CDH1: variants seen among roughly 807,000 people sequenced by gnomAD.
CDH1 encodes cadherin-1.
A neutral mutation model predicts 84.5 loss-of-function variants in CDH1; 35 were observed. The observed-to-expected ratio is 0.41, with a 90% CI of 0.32 to 0.55. The LOEUF (loss-of-function observed/expected upper bound fraction) is 0.55. CDH1 is among the 20% of genes least tolerant of loss of function. CDH1 has a pLI of 0.19. For missense variants in CDH1, 994 were observed against 1,126.6 expected, an observed-to-expected ratio of 0.88 and a Z score of 1.68; for synonymous variants, 417 against 439.0, an observed-to-expected ratio of 0.95 and a Z score of 0.63.
chr16:68,768,697 A>G (rs1249844777), intron 2 of CDH1, among the ~76,000 whole-genome samples: 2 of 152,206 alleles, frequency 1.3e-5, no homozygotes, highest in African/African-American at 2.4e-5. Context: ...CTTAATAAAA[A>G]GAACAAAAAT....
chr16:68,743,666 C>T (rs1415046492), intron 2 of CDH1, among the ~76,000 whole-genome samples: 1 of 151,986 alleles, frequency 6.6e-6, no homozygotes, highest in Non-Finnish European at 1.5e-5. Flanking sequence ...GAGCCGGGCC[C>T]CTTCCTGGGT....
chr16:68,756,130 A>AT (rs1491094193), intron 2 of CDH1, among the ~76,000 whole-genome samples: 21 of 144,152 alleles, frequency 1.5e-4, no homozygotes, highest in African/African-American at 5.6e-4. Context: ...CATTTAGGGC[A>AT]TATTTTTTTT....
intron 2 of CDH1, among the ~76,000 whole-genome samples, chr16:68,787,846 A>ATTTTTTTT (rs1323100870): frequency 1.4e-4 from 7 of 51,400 alleles, no homozygotes; most frequent in Non-Finnish European, 2.4e-4. Context: ...TTTTTTTTTG[A>ATTTTTTTT]GACAGTTTCA....
intron 7 of CDH1, 34 bp from the exon 8 acceptor site, chr16:68,812,101 T>C (rs1308204692): frequency 6.2e-7 from 1 of 1,613,904 alleles, no homozygotes. Context: ...CTAGTGTTCC[T>C]GGTCCTGACT....
At chr16:68,782,146 C>T (rs1205151329) in intron 2 of CDH1, among the ~76,000 whole-genome samples, 1 of 151,814 alleles carries the variant, frequency 6.6e-6, no homozygotes, top group Non-Finnish European at 1.5e-5. Context: ...TCCACAGGCA[C>T]CCCCCACAGG....
In CDH1 at chr16:68,815,687, A is replaced by C. The variant is rs876661065; in HGVS notation, c.1493A>C (p.Asp498Ala). 5 of 1,614,126 alleles carry C rather than the reference A, an allele frequency of 3.1e-6. No homozygotes were observed. The highest frequency in any genetic ancestry group is 3.4e-6 in the Non-Finnish European group (4 of 1,180,050). ...PPEKRVEVSE[D>A]FGVGQEITSY... The stretch of plus-strand genomic sequence containing the variant: ...GAAAAGAGAGTGGAAGTGTCCGAGG[A>C]CTTTGGCGTGGGCCAGGAAATCACA... Residue 498 changes from aspartate to alanine, a missense_variant, in exon 10 of 16, where the codon GAC (aspartate) becomes GCC (alanine). Around this residue, in one of 3 missense-constraint regions of CDH1, gnomAD observed 769 missense variants for 881.8 expected, o/e 0.87. Transcript: ENST00000261769.
intron 2 of CDH1, among the ~76,000 whole-genome samples, chr16:68,752,188 G>A (rs552232279): frequency 1.3e-5 from 2 of 152,110 alleles, no homozygotes; most frequent in African/African-American, 2.4e-5. Context: ...CTGACCTCAG[G>A]TGATCCACCC....
rs1596960459 is a variant in CDH1 at position 68,819,343 on chromosome 16, C to T, written c.1629C>T (p.Ser543=). The change falls in exon 11 of 16, where the codon TCC becomes TCT. Residue 543 remains serine, a synonymous_variant. Transcript: ENST00000261769. ...TTAATCCGGACACTGGTGCCATTTC[C>T]ACTCGGGCTGAGCTGGACAGGGAGG... ...LEINPDTGAI[S]TRAELDREDF... is the part of the protein sequence containing the mutation. 4 of 1,614,130 alleles carry T rather than the reference C, an allele frequency of 2.5e-6. No homozygotes were observed. The East Asian group carries it at 8.9e-5, about 36-fold the overall frequency.
At chr16:68,823,297 C>T in intron 12 of CDH1, 102 bp from the exon 13 acceptor site, 2 of 814,844 alleles carry the variant, frequency 2.5e-6, no homozygotes, top group Non-Finnish European at 4.2e-6. Flanking sequence ...GCTCTCTTCA[C>T]TCGGCTTGCG....
At chr16:68,737,601 G>A (rs1417818747) in intron 1 of CDH1, 138 bp downstream of exon 1, 5 of 812,218 alleles carry the variant, frequency 6.2e-6, no homozygotes, top group African/African-American at 1.8e-5. Context: ...GGAGCGGCCT[G>A]GAAGCCTCGC....
chr16:68,784,886 C>T (rs540413280), intron 2 of CDH1, among the ~76,000 whole-genome samples: 14 of 151,762 alleles, frequency 9.2e-5, no homozygotes, highest in East Asian at 1.9e-4. Flanking sequence ...GAGGGTGAGG[C>T]GGGAGCAGGC....
At chr16:68,758,599 T>TA (rs1156730153) in intron 2 of CDH1, among the ~76,000 whole-genome samples, 3 of 146,360 alleles carry the variant, frequency 2.0e-5, no homozygotes, top group Non-Finnish European at 3.0e-5. Flanking sequence ...AATCGATCTC[T>TA]AAAAAAACAA....
At chr16:68,775,688 C>T (rs1412993863) in intron 2 of CDH1, among the ~76,000 whole-genome samples, 1 of 152,214 alleles carries the variant, frequency 6.6e-6, no homozygotes, top group Non-Finnish European at 1.5e-5. Context: ...TATAATAAAG[C>T]ATAGCTGGCA....
intron 3 of CDH1, among the ~76,000 whole-genome samples, chr16:68,804,462 G>A (rs1960598617): frequency 6.6e-6 from 1 of 152,048 alleles, no homozygotes; most frequent in Non-Finnish European, 1.5e-5. Flanking sequence ...AGCAACACTT[G>A]AGAAACACTG....
intron 3 of CDH1, among the ~76,000 whole-genome samples, chr16:68,804,726 A>C (rs1329205371): frequency 6.6e-6 from 1 of 151,992 alleles, no homozygotes; most frequent in Admixed American, 6.6e-5. Flanking sequence ...TTCTGGAACC[A>C]GGTGGTACTG....
chr16:68,824,129 C>G (rs1961256964), intron 13 of CDH1, among the ~76,000 whole-genome samples: 1 of 151,288 alleles, frequency 6.6e-6, no homozygotes, highest in Non-Finnish European at 1.5e-5. Flanking sequence ...TCCTGAGTAG[C>G]TGGGACTATG....
At chr16:68,741,279 G>A (rs763713673) in intron 2 of CDH1, among the ~76,000 whole-genome samples, 2 of 152,070 alleles carry the variant, frequency 1.3e-5, no homozygotes, top group Non-Finnish European at 2.9e-5. Flanking sequence ...ATGTGGAGTC[G>A]CCCCAGGATG....
At chr16:68,806,875 A>G (rs1960678943) in intron 3 of CDH1, among the ~76,000 whole-genome samples, 1 of 152,210 alleles carries the variant, frequency 6.6e-6, no homozygotes, top group Admixed American at 6.5e-5. Flanking sequence ...ATGTGTGCAC[A>G]TGTGGCCAGT....
chr16:68,768,052 T>C (rs1041766948), intron 2 of CDH1, among the ~76,000 whole-genome samples: 2 of 151,420 alleles, frequency 1.3e-5, no homozygotes, highest in Middle Eastern at 3.4e-3. Context: ...GCCTCCCGGG[T>C]TCAAGTGCCC....
Sources: allele counts gnomAD v4.1 joint callset (sites outside exome capture counted in the v4.1 genomes callset), GRCh38; gene constraint gnomAD v4.1.1; regional missense constraint gnomAD v4.1.1; transcripts MANE v1.5; gene names NCBI Gene and HGNC (gene_info 2026-07-23, HGNC 2026-07-21).